Variants in SV2C observed in about 807,000 individuals in gnomAD.
SV2C encodes the protein solute carrier family 22 member B3.
Under a neutral mutation model 79.7 loss-of-function variants are expected in SV2C, and 49 were observed. The observed-to-expected ratio is 0.61, with a 90% CI of 0.49 to 0.78. The LOEUF (loss-of-function observed/expected upper bound fraction) is 0.78, where lower values mean the gene tolerates loss of function less well. Ranked by LOEUF, SV2C falls within the 30% of genes least tolerant of loss-of-function variation. The pLI is 0.00. For missense variants in SV2C, 833 were observed against 912.9 expected, an observed-to-expected ratio of 0.91 and a Z score of 1.13; for synonymous variants, 334 against 333.2, an observed-to-expected ratio of 1.00 and a Z score of -0.03.
the SV2C span, among the ~76,000 whole-genome samples, chr5:75,909,059 T>C: frequency 6.6e-6 from 1 of 152,238 alleles, no homozygotes; most frequent in East Asian, 1.9e-4. Flanking sequence ...TGTCCTCACT[T>C]GGCAGAAAAG....
At chr5:76,299,160 A>G (rs1190334850) in intron 10 of SV2C, among the ~76,000 whole-genome samples, 1 of 152,254 alleles carries the variant, frequency 6.6e-6, no homozygotes, top group Non-Finnish European at 1.5e-5. Context: ...CAACAACAAA[A>G]AAATCCTTTG....
intron 2 of SV2C, among the ~76,000 whole-genome samples, chr5:76,189,418 T>C (rs911042727): frequency 1.3e-5 from 2 of 152,156 alleles, no homozygotes; most frequent in Non-Finnish European, 2.9e-5. Flanking sequence ...CAGTGACTAT[T>C]CCAGTAGCTG....
the SV2C span, among the ~76,000 whole-genome samples, chr5:76,037,506 T>C: frequency 1.3e-5 from 2 of 152,060 alleles, no homozygotes; most frequent in African/African-American, 2.4e-5. Context: ...TACCCGGCCG[T>C]GTGAGGTGTC....
the SV2C span, among the ~76,000 whole-genome samples, chr5:75,928,071 G>A: frequency 1.5e-4 from 23 of 152,170 alleles, no homozygotes; most frequent in Admixed American, 5.9e-4. Flanking sequence ...TAATTTTTTA[G>A]CCTTGTTTTA....
At chr5:75,852,672 A>G in the SV2C span, among the ~76,000 whole-genome samples, 1 of 152,090 alleles carries the variant, frequency 6.6e-6, no homozygotes, top group African/African-American at 2.4e-5. Flanking sequence ...AAAAAATATA[A>G]AAAATTAGCT....
At chr5:76,033,939 A>T in the SV2C span, among the ~76,000 whole-genome samples, 1 of 152,060 alleles carries the variant, frequency 6.6e-6, no homozygotes, top group African/African-American at 2.4e-5. Flanking sequence ...AGTGGTTTGT[A>T]GTTCTCCTTG....
At chr5:75,901,819 C>T in the SV2C span, among the ~76,000 whole-genome samples, 1 of 152,238 alleles carries the variant, frequency 6.6e-6, no homozygotes, top group Non-Finnish European at 1.5e-5. Flanking sequence ...AGCCTTGCTG[C>T]CACCTTGCAG....
At chr5:76,110,129 A>G (rs1357464252) in intron 1 of SV2C, among the ~76,000 whole-genome samples, 1 of 152,162 alleles carries the variant, frequency 6.6e-6, no homozygotes, top group Admixed American at 6.5e-5. Context: ...GCATACCCCA[A>G]AGGACTGACT....
At chr5:76,216,921 G>T (rs972909909) in intron 4 of SV2C, among the ~76,000 whole-genome samples, 1 of 152,194 alleles carries the variant, frequency 6.6e-6, no homozygotes, top group Non-Finnish European at 1.5e-5. Flanking sequence ...GGCACTGTCC[G>T]CTCCATTAAA....
intron 4 of SV2C, among the ~76,000 whole-genome samples, chr5:76,278,722 A>G (rs544969599): frequency 9.2e-5 from 14 of 152,374 alleles, no homozygotes; most frequent in African/African-American, 3.4e-4. Flanking sequence ...GAGCTCAGAT[A>G]CATGAATAGG....
chr5:76,175,704 G>GA (rs576027173), intron 2 of SV2C, among the ~76,000 whole-genome samples: 2 of 152,190 alleles, frequency 1.3e-5, no homozygotes, highest in Non-Finnish European at 2.9e-5. Context: ...GTAAGATCTA[G>GA]AAAATCACAT....
intron 4 of SV2C, among the ~76,000 whole-genome samples, chr5:76,276,406 A>G (rs1248187529): frequency 6.6e-6 from 1 of 151,980 alleles, no homozygotes; most frequent in Non-Finnish European, 1.5e-5. Flanking sequence ...AGTACCCAAC[A>G]CCCTTTCCAG....
chr5:76,351,596 C>A (rs964463336), intron 12 of SV2C, among the ~76,000 whole-genome samples: 1 of 152,192 alleles, frequency 6.6e-6, no homozygotes, highest in African/African-American at 2.4e-5. Context: ...TGGGAACTGT[C>A]TCAGCAGGGA....
rs1379033371 is a variant in SV2C, at chr5:76,173,988, C to A, written c.581-20931C>A. The A allele has an allele frequency of 5.8e-6, 9 of 1,557,308 alleles. No homozygotes were observed. The African/African-American group carries it at 1.2e-4, about 21-fold the overall frequency. ...TTTTTCATGTATAAATCCCTCATTG[C>A]TGTAAATTGCTCCGTTCCTGCAGTA... On this transcript the variant is annotated intron_variant, in intron 2 of 12. Coordinates refer to ENST00000502798, the MANE Select transcript of SV2C (RefSeq NM_014979.4).
the SV2C span, among the ~76,000 whole-genome samples, chr5:76,067,624 C>A: frequency 2.0e-5 from 3 of 151,676 alleles, no homozygotes; most frequent in African/African-American, 7.3e-5. Flanking sequence ...TTTTCTCATT[C>A]CCCTAAAATT....
the SV2C span, among the ~76,000 whole-genome samples, chr5:76,047,271 C>T: frequency 6.6e-6 from 1 of 152,212 alleles, no homozygotes; most frequent in African/African-American, 2.4e-5. Context: ...TTCCCACCCT[C>T]AAGAGTAACC....
chr5:75,964,151 G>A, the SV2C span, among the ~76,000 whole-genome samples: 1 of 151,970 alleles, frequency 6.6e-6, no homozygotes, highest in African/African-American at 2.4e-5. Context: ...TCTTGGTGTT[G>A]TTGGTTTCTG....
At chr5:76,076,564 G>T in the SV2C span, among the ~76,000 whole-genome samples, 1 of 150,612 alleles carries the variant, frequency 6.6e-6, no homozygotes, top group East Asian at 1.9e-4. Context: ...ATTTTTTTTT[G>T]AAGTCCAGGA....
chr5:76,114,645 ATTC>A (rs907377406), intron 1 of SV2C, among the ~76,000 whole-genome samples: 2 of 152,240 alleles, frequency 1.3e-5, no homozygotes, highest in Admixed American at 1.3e-4. Flanking sequence ...ACAAGTAGAC[ATTC>A]TTCTTTGAGC....
Sources: gnomAD v4.1 joint callset for allele counts (sites outside exome capture counted in the v4.1 genomes callset) on GRCh38, gnomAD v4.1.1 for gene constraint, MANE v1.5 for transcripts, NCBI Gene and HGNC (gene_info 2026-07-23, HGNC 2026-07-21) for gene names.